Variants in UBE4B observed in about 807,000 individuals in gnomAD.
UBE4B encodes ubiquitination factor E4B.
UBE4B carries 27 observed loss-of-function variants against 148.1 expected under a neutral mutation model. The ratio of observed to expected loss-of-function variants is 0.18; its 90% CI spans 0.13 to 0.25. The LOEUF (loss-of-function observed/expected upper bound fraction) is 0.25. Among genes scored for constraint, UBE4B ranks in the 10% least tolerant of loss-of-function variants. The pLI, the probability that UBE4B is intolerant of heterozygous loss-of-function variation, is 1.00. For missense variants in UBE4B, 1,170 were observed against 1,662.4 expected (o/e 0.70, Z 5.15); for synonymous variants, 596 against 619.3 (o/e 0.96, Z 0.56).
At chr1:10,155,955 G>A (rs554985619) in intron 21 of UBE4B, among the ~76,000 whole-genome samples, 9 of 151,924 alleles carry the variant, frequency 5.9e-5, no homozygotes, top group Non-Finnish European at 1.0e-4. Context: ...ACCGGGACCT[G>A]GGAGGTGGAG....
At chr1:10,056,706 T>A (rs1644176561) in intron 1 of UBE4B, among the ~76,000 whole-genome samples, 1 of 152,250 alleles carries the variant, frequency 6.6e-6, no homozygotes, top group South Asian at 2.1e-4. Flanking sequence ...GCTGGGATCC[T>A]GGCCAGCGCT....
At chr1:10,122,658 A>C (rs1645429635) in intron 10 of UBE4B, among the ~76,000 whole-genome samples, 1 of 152,248 alleles carries the variant, frequency 6.6e-6, no homozygotes. Flanking sequence ...GTAGTCTTGA[A>C]GGTTTCTTCC....
chr1:10,040,621 CTTT>C (rs1185644090), intron 1 of UBE4B, among the ~76,000 whole-genome samples: 3 of 141,108 alleles, frequency 2.1e-5, no homozygotes. Context: ...CTTCTTTTTT[CTTT>C]TTTTTTTTTT....
intron 8 of UBE4B, among the ~76,000 whole-genome samples, chr1:10,117,852 C>G (rs904791717): frequency 2.6e-5 from 4 of 152,218 alleles, no homozygotes; most frequent in African/African-American, 9.7e-5. Context: ...AGAGTCCTCT[C>G]TTGACCACAC....
At chr1:10,141,829 T>C (rs951860510) in intron 17 of UBE4B, among the ~76,000 whole-genome samples, 1 of 152,190 alleles carries the variant, frequency 6.6e-6, no homozygotes, top group Non-Finnish European at 1.5e-5. Context: ...ATTTAGGTAC[T>C]TGGAGTCAGC....
intron 22 of UBE4B, among the ~76,000 whole-genome samples, chr1:10,160,126 A>T (rs1310059426): frequency 1.3e-5 from 2 of 152,220 alleles, no homozygotes; most frequent in Non-Finnish European, 2.9e-5. Flanking sequence ...CCAGAGTCTA[A>T]CAGAGGTAGG....
At chr1:10,151,194 G>A (rs1167210540) in intron 20 of UBE4B, 132 bp from the exon 21 acceptor site, 8 of 703,214 alleles carry the variant, frequency 1.1e-5, no homozygotes, top group Non-Finnish European at 1.9e-5. Flanking sequence ...TAAACTGAAT[G>A]AGTTCAAGGG....
intron 1 of UBE4B, among the ~76,000 whole-genome samples, chr1:10,068,305 C>G (rs539231541): frequency 1.3e-5 from 2 of 151,790 alleles, no homozygotes; most frequent in Admixed American, 1.3e-4. Context: ...GCTGGGATTA[C>G]GAGCATGAGC....
At chr1:10,173,918 G>T (rs1646375892) in intron 25 of UBE4B, among the ~76,000 whole-genome samples, 1 of 152,238 alleles carries the variant, frequency 6.6e-6, no homozygotes. Context: ...ACCACACATT[G>T]CATTGCCTGG....
At chr1:10,133,433 A>T (rs1645628535) in intron 15 of UBE4B, among the ~76,000 whole-genome samples, 1 of 152,192 alleles carries the variant, frequency 6.6e-6, no homozygotes, top group Non-Finnish European at 1.5e-5. Flanking sequence ...GTACACAGTG[A>T]TCACTCAACC....
At chr1:10,065,622 C>T (rs1172429127) in intron 1 of UBE4B, among the ~76,000 whole-genome samples, 1 of 152,180 alleles carries the variant, frequency 6.6e-6, no homozygotes, top group African/African-American at 2.4e-5. Context: ...TGCTAGTGTT[C>T]CCATTAGAGG....
chr1:10,076,771 A>C lies in UBE4B; in HGVS notation c.211+4557A>C, dbSNP rs1403664049. On this transcript the variant is annotated intron_variant, in intron 2 of 27. Transcript: ENST00000343090. ...TTTTTTTTTTTTTTTTTTGAGATGG[A>C]GTTTCGCTCTTGTCACCCAGGCTGG... 4.8e-5 allele frequency among the ~76,000 whole-genome samples: 4 copies of C among 82,908 alleles called. No homozygotes were observed. In the Admixed American group the frequency reaches 5.2e-4, roughly 11 times the overall value. 54.4% of individuals were successfully genotyped at this position (82,908 alleles called of 152,430 possible).
chr1:10,178,508 TAA>T (rs1300647180), intron 25 of UBE4B, 134 bp from the exon 26 acceptor site: 11 of 755,030 alleles, frequency 1.5e-5, no homozygotes, highest in African/African-American at 3.6e-5. Context: ...ATAAAATATA[TAA>T]GTGTATATAT....
Position 10,145,013 on chromosome 1 carries a change from C to G in UBE4B, c.2437C>G (p.Leu813Val). 2 of 1,613,654 alleles carry G rather than the reference C, an allele frequency of 1.2e-6. No homozygotes were observed. The highest frequency in any genetic ancestry group is 1.7e-6 in the Non-Finnish European group (2 of 1,179,754). ...SPLATRHREM[L>V]KRCKTQLKKL... ...ACTGGCAACTAGACACCGCGAAATG[C>G]TGAAGCGCTGTAAAACTCAGCTTAA... Residue 813 changes from leucine to valine, a missense_variant, in exon 18 of 28, where the codon CTG becomes GTG. Leu to Val is a conservative substitution (Grantham distance 32). Around this residue, in one of 6 missense-constraint regions of UBE4B, gnomAD observed 388 missense variants for 536.0 expected, o/e 0.72. Coordinates refer to ENST00000343090, the MANE Select transcript of UBE4B (RefSeq NM_001105562.3).
At chr1:10,080,709 A>G (rs1644664460) in intron 2 of UBE4B, among the ~76,000 whole-genome samples, 2 of 152,248 alleles carry the variant, frequency 1.3e-5, no homozygotes, top group South Asian at 4.1e-4. Flanking sequence ...ATGTATCCAC[A>G]ATGGAATATT....
intron 23 of UBE4B, chr1:10,163,324 T>C (rs1646196549): frequency 6.6e-6 from 1 of 152,182 alleles, no homozygotes; most frequent in African/African-American, 2.4e-5. Context: ...AAGATTACCA[T>C]GGCCCCTGCT....
chr1:10,178,868 A>G (rs751763788), intron 26 of UBE4B, 50 bp downstream of exon 26: 3 of 1,542,824 alleles, frequency 1.9e-6, no homozygotes, highest in South Asian at 2.5e-5. Flanking sequence ...TTAACTGGAA[A>G]TCGATAACAT....
chr1:10,070,329 A>G (rs938918301), intron 1 of UBE4B, among the ~76,000 whole-genome samples: 1 of 151,822 alleles, frequency 6.6e-6, no homozygotes, highest in Non-Finnish European at 1.5e-5. Context: ...CATATAAACT[A>G]TGAAGAAGAA....
intron 5 of UBE4B, 23 bp from the exon 6 acceptor site, chr1:10,105,493 T>C (rs771817115): frequency 3.1e-6 from 5 of 1,610,844 alleles, no homozygotes; most frequent in Non-Finnish European, 4.2e-6. Context: ...TGTAACCTGT[T>C]CTTTGTTCTG....
Sources: gnomAD v4.1 joint callset for allele counts (sites outside exome capture counted in the v4.1 genomes callset) on GRCh38, gnomAD v4.1.1 for gene constraint, gnomAD v4.1.1 regional missense constraint, MANE v1.5 for transcripts, NCBI Gene and HGNC (gene_info 2026-07-23, HGNC 2026-07-21) for gene names.